The following AKAP3 variants were observed in gnomAD, a reference collection of about 807,000 sequenced individuals.
The protein encoded by AKAP3 is A-kinase anchor protein 3.
Under a neutral mutation model 57.2 loss-of-function variants are expected in AKAP3, and 27 were observed. That is an observed-to-expected ratio of 0.47 (90% CI 0.35 to 0.65). The LOEUF (loss-of-function observed/expected upper bound fraction) is 0.65. Ranked by LOEUF, AKAP3 falls within the 30% of genes least tolerant of loss-of-function variation. The pLI is 0.01. For missense variants in AKAP3, 959 were observed against 1,040.0 expected, an observed-to-expected ratio of 0.92 and a Z score of 1.07; for synonymous variants, 334 against 392.3, an observed-to-expected ratio of 0.85 and a Z score of 1.76.
chr12:4,626,421 C>A, intron 5 of AKAP3, 75 bp downstream of exon 5: 5 of 1,499,174 alleles, frequency 3.3e-6, no homozygotes, highest in South Asian at 2.7e-5. Context: ...TCTTCCCATT[C>A]AGAAAGAAAC....
In AKAP3 at chr12:4,628,726, A is replaced by G. The variant is rs753705565; in HGVS notation, c.176T>C (p.Val59Ala). 32 of 1,614,090 alleles carry G rather than the reference A, an allele frequency of 2.0e-5. No individual in the cohort carries two copies. The highest frequency in any genetic ancestry group is 5.0e-5 in the Admixed American group (3 of 60,008). The change falls in exon 5 of 6, where the codon GTT becomes GCT. Residue 59 changes from valine (V) to alanine (A), a missense_variant. Transcript: ENST00000228850. ...LEKSTAEFQD[V>A]RFKPGESFGG... is the part of the protein sequence containing the mutation. ...AAATGATTCTCCGGGTTTGAACCGA[A>G]CATCTTGGAACTCTGCTGTACTCTT...
intron 3 of AKAP3, among the ~76,000 whole-genome samples, chr12:4,638,438 C>T (rs1042471469): frequency 2.6e-5 from 4 of 152,230 alleles, no homozygotes; most frequent in Middle Eastern, 3.4e-3. Context: ...CTGGTATCTG[C>T]GACAGGTGCT....
intron 4 of AKAP3, 122 bp downstream of exon 4, chr12:4,637,979 C>G: frequency 1.1e-6 from 1 of 882,566 alleles, no homozygotes; most frequent in Non-Finnish European, 1.9e-6. Flanking sequence ...TGATTTCCCA[C>G]CTGCCTCAAG....
chr12:4,640,480 T>C (rs1159278863), intron 3 of AKAP3, among the ~76,000 whole-genome samples: 3 of 152,206 alleles, frequency 2.0e-5, no homozygotes, highest in Non-Finnish European at 4.4e-5. Context: ...CTTTGGACTG[T>C]GGTGAGGGTA....
chr12:4,628,613 A>G lies in AKAP3; in HGVS notation c.289T>C (p.Leu97=), dbSNP rs753652513. Residue 97 remains leucine, a synonymous_variant, in exon 5 of 6, where the codon TTG becomes CTG. Transcript: ENST00000228850. ...TCTTTGTGAGTCATCTCAAAATGCAATCTTTCTGGAGTGCCCTTGGTGGTG... is the reference window on the plus strand; with the variant it reads ...TCTTTGTGAGTCATCTCAAAATGCAGTCTTTCTGGAGTGCCCTTGGTGGTG... The part of the protein sequence containing the change: ...NTTTKGTPER[L]HFEMTHKEIP... 4.3e-6 allele frequency: 7 copies of G among 1,614,046 alleles called. No individual in the cohort carries two copies. The highest frequency in any genetic ancestry group is 2.7e-5 in the African/African-American group (2 of 74,926).
At chr12:4,616,436 T>C (rs1162405980) in intron 5 of AKAP3, among the ~76,000 whole-genome samples, 1 of 152,236 alleles carries the variant, frequency 6.6e-6, no homozygotes, top group East Asian at 1.9e-4. Flanking sequence ...GCAACCATTC[T>C]AATATAAATA....
At chr12:4,617,400 C>G (rs1945297687) in intron 5 of AKAP3, among the ~76,000 whole-genome samples, 2 of 152,198 alleles carry the variant, frequency 1.3e-5, no homozygotes, top group African/African-American at 4.8e-5. Flanking sequence ...GAATGAAGAG[C>G]AACACAAACA....
intron 5 of AKAP3, among the ~76,000 whole-genome samples, chr12:4,620,020 A>C (rs1945327482): frequency 6.6e-6 from 1 of 152,220 alleles, no homozygotes. Context: ...AAAACTGGGA[A>C]ATGTAAACAT....
chr12:4,623,412 G>C (rs1945368694), intron 5 of AKAP3, among the ~76,000 whole-genome samples: 1 of 152,222 alleles, frequency 6.6e-6, no homozygotes, highest in African/African-American at 2.4e-5. Context: ...ATACACCATG[G>C]AATATTATGC....
intron 5 of AKAP3, among the ~76,000 whole-genome samples, chr12:4,619,087 T>C (rs1342086679): frequency 6.6e-6 from 1 of 152,322 alleles, no homozygotes; most frequent in Non-Finnish European, 1.5e-5. Context: ...ATATTTCTCA[T>C]CATTTTAATG....
chr12:4,631,510 A>G, intron 4 of AKAP3: 1 of 583,956 alleles, frequency 1.7e-6, no homozygotes, highest in Non-Finnish European at 3.0e-6. Flanking sequence ...GTTAGATGTA[A>G]GCAGCAATGT....
chr12:4,642,740 C>G (rs779464786), intron 2 of AKAP3, among the ~76,000 whole-genome samples: 5 of 152,162 alleles, frequency 3.3e-5, no homozygotes, highest in African/African-American at 7.2e-5. Flanking sequence ...ATTTCATTTT[C>G]TTTACTGGAT....
intron 3 of AKAP3, among the ~76,000 whole-genome samples, chr12:4,640,270 C>T (rs181773610): frequency 3.0e-4 from 46 of 152,334 alleles, no homozygotes; most frequent in Admixed American, 2.9e-3. Context: ...TCCCCAATGC[C>T]TCAGACATCT....
chr12:4,632,486 A>T (rs1340642742), intron 4 of AKAP3, among the ~76,000 whole-genome samples: 2 of 152,182 alleles, frequency 1.3e-5, no homozygotes, highest in Non-Finnish European at 2.9e-5. Context: ...AATGGTTGAG[A>T]CTATAATTAG....
At chr12:4,638,050 T>A in intron 4 of AKAP3, 51 bp downstream of exon 4, 1 of 1,425,376 alleles carries the variant, frequency 7.0e-7, no homozygotes, top group African/African-American at 1.4e-5. Context: ...CTACTCTTAA[T>A]GACAGCCCCC....
intron 4 of AKAP3, among the ~76,000 whole-genome samples, chr12:4,629,949 C>T (rs770295464): frequency 3.3e-5 from 5 of 152,040 alleles, no homozygotes; most frequent in African/African-American, 4.8e-5. Context: ...CTTTGATGGA[C>T]GCTAGCTGTG....
At chr12:4,641,123 A>T (rs114902178) in intron 3 of AKAP3, among the ~76,000 whole-genome samples, 2,607 of 111,018 alleles carry the variant, frequency 0.023, 84 homozygotes, top group African/African-American at 0.084. Context: ...GCCAGGTTGG[A>T]GTGTACAGGC....
chr12:4,626,239 A>G (rs1434272405), intron 5 of AKAP3, among the ~76,000 whole-genome samples: 2 of 152,194 alleles, frequency 1.3e-5, no homozygotes, highest in Admixed American at 6.5e-5. Context: ...GAGGTTCCTC[A>G]TCTGTACACT....
chr12:4,632,861 C>T (rs1052291261), intron 4 of AKAP3, among the ~76,000 whole-genome samples: 2 of 152,090 alleles, frequency 1.3e-5, no homozygotes, highest in Non-Finnish European at 2.9e-5. Context: ...AGGATGGTCT[C>T]GATCTCCTGA....
Sources: gnomAD v4.1 joint callset for allele counts (sites outside exome capture counted in the v4.1 genomes callset) on GRCh38, gnomAD v4.1.1 for gene constraint, MANE v1.5 for transcripts, NCBI Gene and HGNC (gene_info 2026-07-23, HGNC 2026-07-21) for gene names.